Variants in PDE8B observed in about 807,000 individuals in gnomAD.
PDE8B encodes phosphodiesterase 8B, also known as high affinity cAMP-specific and IBMX-insensitive 3',5'-cyclic phosphodiesterase 8B.
Under a neutral mutation model 101.3 loss-of-function variants are expected in PDE8B, and 26 were observed. The ratio of observed to expected loss-of-function variants is 0.26; its 90% CI spans 0.19 to 0.36. The LOEUF is 0.36. Ranked by LOEUF, PDE8B falls within the 10% of genes least tolerant of loss-of-function variation. The pLI is 1.00. For missense variants in PDE8B, 810 were observed against 1,163.1 expected (o/e 0.70, Z 4.42); for synonymous variants, 424 against 429.3 (o/e 0.99, Z 0.15).
At chr5:77,385,570 G>A (rs759155790) in intron 10 of PDE8B, among the ~76,000 whole-genome samples, 2 of 151,876 alleles carry the variant, frequency 1.3e-5, no homozygotes, top group Non-Finnish European at 2.9e-5. Context: ...ATGTTAGGGT[G>A]TCTATTTTAG....
chr5:77,257,556 T>G (rs1262349177), intron 1 of PDE8B, among the ~76,000 whole-genome samples: 11 of 152,286 alleles, frequency 7.2e-5, no homozygotes, highest in Non-Finnish European at 4.4e-5. Flanking sequence ...CATCTAATAA[T>G]AGGGCTTCAA....
the PDE8B span, among the ~76,000 whole-genome samples, chr5:77,115,899 G>A: frequency 6.6e-6 from 1 of 152,046 alleles, no homozygotes; most frequent in African/African-American, 2.4e-5. Context: ...TCTCATTAAC[G>A]TGAACAATTT....
At chr5:77,195,954 G>A in the PDE8B span, among the ~76,000 whole-genome samples, 5 of 152,220 alleles carry the variant, frequency 3.3e-5, no homozygotes, top group Non-Finnish European at 7.4e-5. Flanking sequence ...GTTGAAACCC[G>A]TTGTTCAAAG....
chr5:77,104,293 A>G, the PDE8B span, among the ~76,000 whole-genome samples: 1 of 152,188 alleles, frequency 6.6e-6, no homozygotes, highest in Admixed American at 6.5e-5. Context: ...TGTTCCCTTT[A>G]TAACCCTGCA....
At chr5:77,256,037 T>C (rs1035913864) in intron 1 of PDE8B, among the ~76,000 whole-genome samples, 2 of 152,218 alleles carry the variant, frequency 1.3e-5, no homozygotes, top group African/African-American at 4.8e-5. Flanking sequence ...TTGATTTATA[T>C]GGTTTTGGAG....
intron 1 of PDE8B, among the ~76,000 whole-genome samples, chr5:77,278,050 T>G (rs1055705206): frequency 2.0e-5 from 3 of 152,184 alleles, no homozygotes; most frequent in Non-Finnish European, 4.4e-5. Context: ...TGCTCTTATG[T>G]CTTGCCTCTG....
chr5:77,210,896 G>A lies in PDE8B; in HGVS notation c.-30G>A. ...CTGGGTCCCGGCGGCCGCGGGCGCGGGCGGGCGCGCGGGGGAGCCCGGCCG... is the reference window on the plus strand; with the variant it reads ...CTGGGTCCCGGCGGCCGCGGGCGCGAGCGGGCGCGCGGGGGAGCCCGGCCG... On this transcript the variant is annotated 5_prime_UTR_variant, in exon 1 of 22. Transcript: ENST00000264917. This position sits in a 1 kb window ranked among gnomAD's most constrained non-coding sequence, Gnocchi z 4.9. 1 of 1,276,768 alleles carries A rather than the reference G, an allele frequency of 7.8e-7. No individual in the cohort carries two copies. 79.1% of individuals were successfully genotyped at this position (1,276,768 alleles called of 1,614,324 possible).
the PDE8B span, among the ~76,000 whole-genome samples, chr5:77,166,203 T>G: frequency 1.5e-5 from 2 of 135,986 alleles, no homozygotes; most frequent in Admixed American, 7.6e-5. Context: ...CAACATTTCT[T>G]CATGAGATTC....
intron 1 of PDE8B, among the ~76,000 whole-genome samples, chr5:77,287,052 C>T (rs1766162664): frequency 3.3e-5 from 5 of 152,156 alleles, no homozygotes; most frequent in Admixed American, 3.3e-4. Flanking sequence ...ATTTTCTACA[C>T]TCAATATTCA....
At chr5:77,370,627 A>T (rs1211457551) in intron 10 of PDE8B, among the ~76,000 whole-genome samples, 1 of 152,244 alleles carries the variant, frequency 6.6e-6, no homozygotes, top group Non-Finnish European at 1.5e-5. Flanking sequence ...ATATTCTTAT[A>T]CAAGTCTCTT....
intron 1 of PDE8B, among the ~76,000 whole-genome samples, chr5:77,252,637 C>G (rs1389383379): frequency 6.6e-6 from 1 of 152,122 alleles, no homozygotes; most frequent in Non-Finnish European, 1.5e-5. Context: ...TTTGTGACAC[C>G]TTTTTCTGCC....
rs201965767 is a variant in PDE8B at position 77,413,417 on chromosome 5, C to CT, written c.1911+114dup. On this transcript the variant is annotated intron_variant, in intron 17 of 21. Transcript: ENST00000264917. ...AGCTATTTTGCAACCAAGTTGACAG[C>CT]TTTTTTAAAAAAAAATTTTGTTACC... The CT allele has an allele frequency of 1.7e-4, 154 of 915,866 alleles. 2 individuals carry two copies. The highest frequency in any genetic ancestry group is 1.2e-3 in the South Asian group (78 of 66,542). The allele number at this position is 915,866 out of a possible 1,614,324, so 56.7% of individuals were successfully genotyped here. A position where few individuals can be genotyped will look rare whatever the true frequency, so the allele number is the denominator to read the frequency against.
chr5:77,275,968 G>C (rs1024451817), intron 1 of PDE8B, among the ~76,000 whole-genome samples: 1 of 152,158 alleles, frequency 6.6e-6, no homozygotes, highest in African/African-American at 2.4e-5. Context: ...GTATATATTT[G>C]TTATCCTTTA....
chr5:77,286,950 T>C (rs1766135878), intron 1 of PDE8B, among the ~76,000 whole-genome samples: 1 of 152,222 alleles, frequency 6.6e-6, no homozygotes, highest in Admixed American at 6.5e-5. Context: ...TGTAGAATAC[T>C]TAAATTCCAG....
At chr5:77,293,934 A>G (rs1417660214) in intron 1 of PDE8B, among the ~76,000 whole-genome samples, 1 of 152,064 alleles carries the variant, frequency 6.6e-6, no homozygotes. Context: ...TTCTTTGTGT[A>G]TGTTGGATAT....
the PDE8B span, among the ~76,000 whole-genome samples, chr5:77,200,555 C>CT: frequency 0.24 from 36,766 of 151,082 alleles, 4,717 homozygotes; most frequent in Non-Finnish European, 0.29. Context: ...AGGTGAAGGG[C>CT]TTTTTTTTAA....
chr5:77,169,877 T>G, the PDE8B span, among the ~76,000 whole-genome samples: 2 of 152,196 alleles, frequency 1.3e-5, no homozygotes, highest in Non-Finnish European at 2.9e-5. Context: ...TGATTAGGTA[T>G]GCAAAGGGCT....
the PDE8B span, among the ~76,000 whole-genome samples, chr5:77,205,247 G>T: frequency 6.6e-6 from 1 of 152,212 alleles, no homozygotes; most frequent in African/African-American, 2.4e-5. Flanking sequence ...ACTGGCAAGA[G>T]AAAACCGTTC....
intron 1 of PDE8B, among the ~76,000 whole-genome samples, chr5:77,248,906 TGAG>T (rs1194423564): frequency 6.6e-6 from 1 of 152,162 alleles, no homozygotes; most frequent in Non-Finnish European, 1.5e-5. Flanking sequence ...CCCTGCCATG[TGAG>T]GACACAGCAA....
Sources: allele counts gnomAD v4.1 joint callset (sites outside exome capture counted in the v4.1 genomes callset), GRCh38; gene constraint gnomAD v4.1.1; non-coding constraint Gnocchi (gnomAD v3.1); transcripts MANE v1.5; gene names NCBI Gene and HGNC (gene_info 2026-07-23, HGNC 2026-07-21).